The following PCDH15 variants were observed in gnomAD, a reference collection of about 807,000 sequenced individuals.
The protein encoded by PCDH15 is protocadherin-15.
Under a neutral mutation model 178.5 loss-of-function variants are expected in PCDH15, and 129 were observed. The observed-to-expected ratio is 0.72, with a 90% CI of 0.63 to 0.84. PCDH15 has a LOEUF of 0.84. PCDH15 is among the 40% of genes least tolerant of loss of function. The pLI is 0.00. For missense variants in PCDH15, 2,230 were observed against 2,099.9 expected (o/e 1.06, Z -1.21); for synonymous variants, 800 against 732.0 (o/e 1.09, Z -1.50).
chr10:55,551,240 G>T (rs568658934), intron 2 of PCDH15, among the ~76,000 whole-genome samples: 1 of 151,922 alleles, frequency 6.6e-6, no homozygotes, highest in Non-Finnish European at 1.5e-5. Flanking sequence ...GTAGGTAGTA[G>T]TTTTAACCTC....
chr10:54,842,456 G>T (rs1409095203), intron 3 of PCDH15, among the ~76,000 whole-genome samples: 1 of 151,736 alleles, frequency 6.6e-6, no homozygotes, highest in Non-Finnish European at 1.5e-5. Flanking sequence ...CTCCATCAAG[G>T]TTCAAAACTC....
intron 1 of PCDH15, among the ~76,000 whole-genome samples, chr10:54,715,783 C>A (rs2095473295): frequency 6.6e-6 from 1 of 152,100 alleles, no homozygotes; most frequent in African/African-American, 2.4e-5. Flanking sequence ...TTGAGCCATT[C>A]ATCCCTTCCC....
At chr10:53,825,284 G>GT in intron 32 of PCDH15, 1 of 969,154 alleles carries the variant, frequency 1.0e-6, no homozygotes. Context: ...AAAAAGGCAT[G>GT]TTTTTATATT....
At chr10:55,392,418 C>T (rs930098774) in intron 2 of PCDH15, among the ~76,000 whole-genome samples, 1 of 152,116 alleles carries the variant, frequency 6.6e-6, no homozygotes, top group Non-Finnish European at 1.5e-5. Flanking sequence ...AACTAAAGTT[C>T]ATCTTTCACA....
At chr10:55,289,431 G>A (rs1469704963) in intron 1 of PCDH15, among the ~76,000 whole-genome samples, 1 of 151,396 alleles carries the variant, frequency 6.6e-6, no homozygotes, top group Non-Finnish European at 1.5e-5. Context: ...ACTAGGAAAA[G>A]AGGAAGGCAG....
intron 2 of PCDH15, among the ~76,000 whole-genome samples, chr10:54,638,180 C>G (rs2093907172): frequency 6.6e-6 from 1 of 151,920 alleles, no homozygotes; most frequent in Non-Finnish European, 1.5e-5. Context: ...AAAAAAAGAT[C>G]TTTATTTTCA....
intron 1 of PCDH15, among the ~76,000 whole-genome samples, chr10:54,670,776 T>A (rs2094649632): frequency 6.6e-6 from 1 of 152,144 alleles, no homozygotes; most frequent in South Asian, 2.1e-4. Context: ...GTATTTATTT[T>A]ATATTTAGTG....
chr10:54,901,179 C>T (rs777031854), intron 2 of PCDH15, among the ~76,000 whole-genome samples: 2 of 151,944 alleles, frequency 1.3e-5, no homozygotes, highest in Non-Finnish European at 2.9e-5. Flanking sequence ...GGTGTGGTGG[C>T]GTCTGTATGC....
intron 2 of PCDH15, among the ~76,000 whole-genome samples, chr10:54,996,344 T>C (rs2131923682): frequency 6.6e-6 from 1 of 152,282 alleles, no homozygotes; most frequent in South Asian, 2.1e-4. Context: ...CCGTCCTCAA[T>C]TTGGGGAATG....
chr10:54,662,856 G>C (rs2094512073), intron 2 of PCDH15, among the ~76,000 whole-genome samples: 1 of 151,860 alleles, frequency 6.6e-6, no homozygotes, highest in Non-Finnish European at 1.5e-5. Context: ...TTGAACTATA[G>C]AGTCACAACT....
chr10:55,285,191 A>G (rs1423795140), intron 1 of PCDH15, among the ~76,000 whole-genome samples: 1 of 150,046 alleles, frequency 6.7e-6, no homozygotes, highest in Non-Finnish European at 1.5e-5. Context: ...TTTATATGGT[A>G]AATACAAGTT....
intron 2 of PCDH15, among the ~76,000 whole-genome samples, chr10:54,612,486 A>G (rs949680505): frequency 6.6e-6 from 1 of 151,760 alleles, no homozygotes; most frequent in East Asian, 1.9e-4. Flanking sequence ...ATGTAGATAA[A>G]TTTTGGATCT....
At chr10:54,726,694 A>AT (rs1942583909) in intron 1 of PCDH15, among the ~76,000 whole-genome samples, 1 of 151,442 alleles carries the variant, frequency 6.6e-6, no homozygotes, top group African/African-American at 2.4e-5. Context: ...CAAAATATTC[A>AT]TTTATAAAAG....
intron 21 of PCDH15, among the ~76,000 whole-genome samples, chr10:53,978,736 T>C (rs376400500): frequency 1.3e-5 from 2 of 151,958 alleles, no homozygotes; most frequent in African/African-American, 2.4e-5. Context: ...TTTGAACACT[T>C]TGCTACTTAG....
intron 1 of PCDH15, among the ~76,000 whole-genome samples, chr10:55,251,781 G>A (rs1841844665): frequency 6.6e-6 from 1 of 152,044 alleles, no homozygotes. Flanking sequence ...AGGTTATGAT[G>A]CAGTAATAAA....
intron 3 of PCDH15, among the ~76,000 whole-genome samples, chr10:54,433,115 T>C (rs373217486): frequency 6.6e-6 from 1 of 152,250 alleles, no homozygotes. Context: ...TCTTACACTG[T>C]GGGTGGGAAT....
At chr10:54,791,805 A>G (rs1951443932) in intron 1 of PCDH15, among the ~76,000 whole-genome samples, 1 of 151,842 alleles carries the variant, frequency 6.6e-6, no homozygotes, top group African/African-American at 2.4e-5. Flanking sequence ...CTGAGCCACC[A>G]TTTCTTTGTG....
At chr10:55,107,026 C>A (rs1262981863) in intron 2 of PCDH15, among the ~76,000 whole-genome samples, 1 of 152,190 alleles carries the variant, frequency 6.6e-6, no homozygotes, top group Non-Finnish European at 1.5e-5. Flanking sequence ...ACATAGAAAG[C>A]AAGATCTTTG....
chr10:54,500,146 C>A (rs2080524701), intron 3 of PCDH15, among the ~76,000 whole-genome samples: 1 of 144,748 alleles, frequency 6.9e-6, no homozygotes, highest in African/African-American at 2.6e-5. Context: ...TTCTTTGCAA[C>A]AACATTAAAG....
Sources: allele counts gnomAD v4.1 joint callset (sites outside exome capture counted in the v4.1 genomes callset), GRCh38; gene constraint gnomAD v4.1.1; transcripts MANE v1.5; gene names NCBI Gene and HGNC (gene_info 2026-07-23, HGNC 2026-07-21).